SIDT1: variants seen among roughly 807,000 people sequenced by gnomAD.
SIDT1 encodes the protein SID1 transmembrane family, member 1.
In SIDT1, 101 loss-of-function variants were observed where a neutral mutation model predicts 107.5. That is an observed-to-expected ratio of 0.94 (90% CI 0.80 to 1.11). SIDT1 has a LOEUF of 1.11. Among genes scored for constraint, SIDT1 ranks in the 50% least tolerant of loss-of-function variants. SIDT1 has a pLI of 0.00. For missense variants in SIDT1, 1,076 were observed against 1,058.2 expected (o/e 1.02, Z -0.23); for synonymous variants, 395 against 398.2 (o/e 0.99, Z 0.10).
At chr3:113,557,509 G>A (rs1941007033) in intron 1 of SIDT1, among the ~76,000 whole-genome samples, 1 of 152,174 alleles carries the variant, frequency 6.6e-6, no homozygotes, top group Admixed American at 6.5e-5. Context: ...AGAATAGCAT[G>A]TGAAGACAGA....
intron 9 of SIDT1, among the ~76,000 whole-genome samples, chr3:113,586,776 A>C (rs1260185778): frequency 6.6e-6 from 1 of 152,244 alleles, no homozygotes; most frequent in Non-Finnish European, 1.5e-5. Context: ...CTTTTGTAGC[A>C]TTCCAGAAAT....
Position 113,626,116 on chromosome 3 carries a change from A to G in SIDT1, c.2322A>G (p.Glu774=), listed in dbSNP as rs761817965. ...CCTTCCTCCAGGGAACTCCGGCCGA[A>G]TCCCGGGAGAAGAACCGCGAGTGCA... The part of the protein sequence containing the change: ...NLSSWEGTPA[E]SREKNRECIL... The change falls in exon 24 of 25, where the codon GAA becomes GAG. Residue 774 remains glutamate (E), a synonymous_variant. Coordinates refer to ENST00000264852, the MANE Select transcript of SIDT1 (RefSeq NM_017699.3). 6.2e-7 allele frequency: 1 copy of G among 1,613,288 alleles called. No homozygotes were observed. Among genetic ancestry groups the G allele is most frequent in the East Asian group, 2.2e-5 (1 of 44,858 alleles).
intron 21 of SIDT1, among the ~76,000 whole-genome samples, chr3:113,620,221 T>TGTGTGTGC (rs1200786481): frequency 6.6e-6 from 1 of 151,780 alleles, no homozygotes; most frequent in Non-Finnish European, 1.5e-5. Context: ...TGTGTGTGTG[T>TGTGTGTGC]GTGCAAGTCC....
Position 113,532,915 on chromosome 3 carries a change from G to T in SIDT1, c.-107G>T. On this transcript the variant is annotated 5_prime_UTR_variant, in exon 1 of 25. Coordinates refer to ENST00000264852, the MANE Select transcript of SIDT1 (RefSeq NM_017699.3). ...GGGTTCGCCAGGCATCACCCGCTCG[G>T]CTCTGAAGCGGACGCCTGGCCCTGC... 1 of 759,398 alleles carries T rather than the reference G, an allele frequency of 1.3e-6. No individual in the cohort carries two copies. The highest frequency in any genetic ancestry group is 1.9e-6 in the Non-Finnish European group (1 of 539,566). 47.0% of individuals were successfully genotyped at this position (759,398 alleles called of 1,614,324 possible).
chr3:113,626,126 A>C lies in SIDT1; in HGVS notation c.2332A>C (p.Lys778Gln). The C allele has an allele frequency of 1.9e-6, 3 of 1,614,024 alleles. No homozygotes were observed. Among genetic ancestry groups the C allele is most frequent in the Non-Finnish European group, 2.5e-6 (3 of 1,179,942 alleles). ...WEGTPAESRE[K>Q]NRECILLDFF... ...GGGAACTCCGGCCGAATCCCGGGAG[A>C]AGAACCGCGAGTGCATTCTGCTGGA... Residue 778 changes from lysine to glutamine, a missense_variant, in exon 24 of 25, where the codon AAG (lysine) becomes CAG (glutamine). Physicochemically the swap from Lys to Gln is moderately conservative, Grantham distance 53 (BLOSUM62 1). Coordinates refer to ENST00000264852, the MANE Select transcript of SIDT1 (RefSeq NM_017699.3).
At chr3:113,630,101 C>A (rs1560160629), downstream of SIDT1, among the ~76,000 whole-genome samples, 1 of 152,134 alleles carries the variant, frequency 6.6e-6, no homozygotes, top group Non-Finnish European at 1.5e-5. Context: ...GGTTCATGGA[C>A]TTCACTCTTT....
At chr3:113,571,335 T>C (rs981424994) in intron 3 of SIDT1, among the ~76,000 whole-genome samples, 1 of 152,212 alleles carries the variant, frequency 6.6e-6, no homozygotes, top group Non-Finnish European at 1.5e-5. Flanking sequence ...AGAGGACTGA[T>C]TGAGCCCAGG....
At chr3:113,635,488 T>A in the SIDT1 span, among the ~76,000 whole-genome samples, 1 of 152,250 alleles carries the variant, frequency 6.6e-6, no homozygotes, top group East Asian at 1.9e-4. Context: ...ATCTTTGTTC[T>A]TGGTCTCTGG....
chr3:113,584,459 C>T lies in SIDT1; in HGVS notation c.836-239C>T, dbSNP rs1576852536. On this transcript the variant is annotated intron_variant, in intron 7 of 24. Coordinates refer to ENST00000264852, the MANE Select transcript of SIDT1 (RefSeq NM_017699.3). ...ATCTTGTTTGCATCTGTTAGTGGTA[C>T]CAAAATGCACACAAGCAAAGGCCAA... 2.0e-5 allele frequency among the ~76,000 whole-genome samples: 3 copies of T among 152,254 alleles called. No individual in the cohort carries two copies. In the East Asian group the frequency reaches 5.8e-4, roughly 29 times the overall value.
chr3:113,619,523 G>A (rs1040891964), intron 20 of SIDT1, among the ~76,000 whole-genome samples, 157 bp from the exon 21 acceptor site: 5 of 152,194 alleles, frequency 3.3e-5, no homozygotes, highest in Non-Finnish European at 5.9e-5. Context: ...CTTTGTATAC[G>A]ATTAGTGTCA....
chr3:113,540,797 A>G (rs1049859011), intron 1 of SIDT1, among the ~76,000 whole-genome samples: 4 of 152,034 alleles, frequency 2.6e-5, no homozygotes, highest in Non-Finnish European at 2.9e-5. Context: ...CTTTGTTCTA[A>G]TGGTTTCCTT....
chr3:113,630,378 G>A (rs1487227368), downstream of SIDT1, among the ~76,000 whole-genome samples: 1 of 151,986 alleles, frequency 6.6e-6, no homozygotes, highest in Non-Finnish European at 1.5e-5. Flanking sequence ...TTTTATTTTA[G>A]CAGCAGGAGA....
intron 17 of SIDT1, among the ~76,000 whole-genome samples, chr3:113,609,219 C>G (rs148526756): frequency 7.2e-5 from 11 of 151,928 alleles, no homozygotes; most frequent in African/African-American, 2.7e-4. Flanking sequence ...CGCACCACCA[C>G]GCCCAGCTAA....
intron 1 of SIDT1, among the ~76,000 whole-genome samples, chr3:113,554,259 G>A (rs1410165504): frequency 1.3e-5 from 2 of 152,116 alleles, no homozygotes; most frequent in Middle Eastern, 3.2e-3. Context: ...ATAGTCTCAC[G>A]ATTTATTGCA....
intron 10 of SIDT1, among the ~76,000 whole-genome samples, chr3:113,597,888 T>C (rs942516757): frequency 6.6e-6 from 1 of 152,254 alleles, no homozygotes; most frequent in Non-Finnish European, 1.5e-5. Flanking sequence ...ATGCTTTCTA[T>C]GTACTATACA....
chr3:113,604,010 CA>C lies in SIDT1; in HGVS notation c.1320del (p.Lys440AsnfsTer20). The C allele has an allele frequency of 1.2e-6, 2 of 1,604,658 alleles. No homozygotes were observed. The highest frequency in any genetic ancestry group is 1.7e-6 in the Non-Finnish European group (2 of 1,174,334). The part of the protein sequence containing the change: ...LSRKDRRIVS[K>X]KYKIYFWNII... Reference sequence around the variant, plus strand: ...CCAGGAAGGACCGGAGAATTGTCAGCAAAAAATATAAAATTTATTTTTGGTA... The same window carrying C: ...CCAGGAAGGACCGGAGAATTGTCAGCAAAAATATAAAATTTATTTTTGGTA... On this transcript the variant is annotated frameshift_variant, in exon 13 of 25. Transcript: ENST00000264852. LOFTEE classifies it high-confidence loss of function.
At chr3:113,613,503 G>A (rs1041699899) in intron 19 of SIDT1, among the ~76,000 whole-genome samples, 3 of 152,172 alleles carry the variant, frequency 2.0e-5, no homozygotes, top group Non-Finnish European at 4.4e-5. Context: ...GCAATTGCTC[G>A]TTTTCAAAGG....
At chr3:113,540,672 A>C (rs979852533) in intron 1 of SIDT1, among the ~76,000 whole-genome samples, 4 of 152,210 alleles carry the variant, frequency 2.6e-5, no homozygotes, top group Non-Finnish European at 4.4e-5. Context: ...TGGGATATTC[A>C]AAGCATAGCT....
intron 1 of SIDT1, among the ~76,000 whole-genome samples, chr3:113,547,633 A>G (rs951249634): frequency 1.3e-5 from 2 of 152,274 alleles, no homozygotes; most frequent in Non-Finnish European, 2.9e-5. Context: ...GGTATCTTAT[A>G]TTGAAAAGTG....
Sources: allele counts gnomAD v4.1 joint callset (sites outside exome capture counted in the v4.1 genomes callset), GRCh38; gene constraint gnomAD v4.1.1; transcripts MANE v1.5; gene names NCBI Gene and HGNC (gene_info 2026-07-23, HGNC 2026-07-21).